SLC9A3: variants seen among roughly 807,000 people sequenced by gnomAD.
SLC9A3 encodes the protein solute carrier family 9 member A3.
In SLC9A3, 37 loss-of-function variants were observed where a neutral mutation model predicts 86.8. The observed-to-expected ratio is 0.43, with a 90% CI of 0.33 to 0.56. SLC9A3 has a LOEUF of 0.56. SLC9A3 is among the 20% of genes least tolerant of loss of function. The pLI is 0.06. For missense variants in SLC9A3, 1,011 were observed against 1,171.9 expected (o/e 0.86, Z 2.00); for synonymous variants, 581 against 528.3 (o/e 1.10, Z -1.37).
At chr5:484,821 G>A (rs2126621426) in intron 4 of SLC9A3, 124 bp from the exon 5 acceptor site, 4 of 899,768 alleles carry the variant, frequency 4.4e-6, no homozygotes, top group Non-Finnish European at 5.1e-6. Flanking sequence ...TCACTCTCTT[G>A]GAGATCGGGC....
chr5:513,497 G>A (rs1733634045), intron 1 of SLC9A3, among the ~76,000 whole-genome samples: 1 of 152,174 alleles, frequency 6.6e-6, no homozygotes, highest in African/African-American at 2.4e-5. Flanking sequence ...CGGGAGGAGA[G>A]CGCCAGGTGC....
Position 477,343 on chromosome 5 carries a change from G to A in SLC9A3, c.1749C>T (p.Val583=). Residue 583 remains valine (V), a synonymous_variant, in exon 11 of 17, where the codon GTC becomes GTT. Transcript: ENST00000264938. The part of the protein sequence containing the change: ...TPRSSTVEAS[V]SYLLRENVSA... Reference sequence around the variant, plus strand: ...CCATGGCCACATACAGGAGGTAGGAGACAGAGGCCTCCACGGTGGACGATC... The same window carrying A: ...CCATGGCCACATACAGGAGGTAGGAAACAGAGGCCTCCACGGTGGACGATC... 1.9e-6 allele frequency: 3 copies of A among 1,607,498 alleles called. No individual in the cohort carries two copies. The highest frequency in any genetic ancestry group is 2.6e-6 in the Non-Finnish European group (3 of 1,175,710).
At position 511,402 on chromosome 5, in the gene SLC9A3, C is replaced by T. The variant is rs191800545; in HGVS notation, c.211+12710G>A. 5.9e-3 allele frequency among the ~76,000 whole-genome samples: 906 copies of T among 152,322 alleles called. 5 individuals carry two copies. The highest frequency in any genetic ancestry group is 9.8e-3 in the Non-Finnish European group (667 of 68,030). On this transcript the variant is annotated intron_variant, in intron 1 of 16. Transcript: ENST00000264938. The stretch of plus-strand genomic sequence containing the variant: ...AAGACATTTGCAAAACACATATCTC[C>T]TAAAGAGTTTATCATTCAAACATAC...
Position 473,301 on chromosome 5 carries a change from T to C in SLC9A3, c.*78A>G, listed in dbSNP as rs1738502619. The stretch of plus-strand genomic sequence containing the variant: ...TAGCCGCGCGGGGATCTGGGGTTTC[T>C]CTGGGACAGCGGCGGCGGCGGTGGG... On this transcript the variant is annotated 3_prime_UTR_variant, in exon 17 of 17. Coordinates refer to ENST00000264938, the MANE Select transcript of SLC9A3 (RefSeq NM_004174.4). 2 of 1,353,566 alleles carry C rather than the reference T, an allele frequency of 1.5e-6. No individual in the cohort carries two copies. Among genetic ancestry groups the C allele is most frequent in the South Asian group, 3.5e-5 (2 of 57,926 alleles). 83.8% of individuals were successfully genotyped at this position (1,353,566 alleles called of 1,614,324 possible).
At chr5:510,831 C>T (rs2126650866) in intron 1 of SLC9A3, among the ~76,000 whole-genome samples, 1 of 152,316 alleles carries the variant, frequency 6.6e-6, no homozygotes, top group Non-Finnish European at 1.5e-5. Flanking sequence ...GGAAGATGCA[C>T]CAGCAGCACA....
chr5:506,500 C>T (rs907973486), intron 1 of SLC9A3, among the ~76,000 whole-genome samples: 4 of 152,208 alleles, frequency 2.6e-5, no homozygotes, highest in Non-Finnish European at 4.4e-5. Flanking sequence ...GGCCACCCTG[C>T]CAAGCGGGGC....
At chr5:483,148 G>A in intron 6 of SLC9A3, 114 bp downstream of exon 6, 1 of 822,540 alleles carries the variant, frequency 1.2e-6, no homozygotes. Flanking sequence ...CCTCTCCTCT[G>A]CCTTGCACGG....
chr5:507,019 C>A (rs1043001189), intron 1 of SLC9A3, among the ~76,000 whole-genome samples: 5 of 148,982 alleles, frequency 3.4e-5, no homozygotes, highest in Non-Finnish European at 7.4e-5. Flanking sequence ...TGTGGTGAGC[C>A]GAGATCGAGA....
chr5:516,716 G>A (rs972060277), intron 1 of SLC9A3, among the ~76,000 whole-genome samples: 1 of 152,240 alleles, frequency 6.6e-6, no homozygotes, highest in Non-Finnish European at 1.5e-5. Context: ...TGGGGCAGAT[G>A]GTGCTCACCA....
At chr5:522,817 A>T (rs928325061) in intron 1 of SLC9A3, among the ~76,000 whole-genome samples, 2 of 151,976 alleles carry the variant, frequency 1.3e-5, no homozygotes, top group Non-Finnish European at 2.9e-5. Context: ...AGAGGAAAGC[A>T]GGGTGAGCTT....
chr5:473,224 T>G lies in SLC9A3; in HGVS notation c.*155A>C. On this transcript the variant is annotated 3_prime_UTR_variant, in exon 17 of 17. Coordinates refer to ENST00000264938, the MANE Select transcript of SLC9A3 (RefSeq NM_004174.4). ...GGCGCAGGCGCGGCACTCTCGGAGTTCTGCGCAGGCGCTGGCGTGGGCGAG... is the reference window on the plus strand; with the variant it reads ...GGCGCAGGCGCGGCACTCTCGGAGTGCTGCGCAGGCGCTGGCGTGGGCGAG... 1.2e-6 allele frequency: 1 copy of G among 826,694 alleles called. No individual in the cohort carries two copies. Among genetic ancestry groups the G allele is most frequent in the Non-Finnish European group, 1.6e-6 (1 of 628,784 alleles). The allele number at this position is 826,694 out of a possible 1,614,324, so 51.2% of individuals were successfully genotyped here.
intron 1 of SLC9A3, among the ~76,000 whole-genome samples, chr5:500,464 G>A (rs1740211127): frequency 6.6e-6 from 1 of 151,824 alleles, no homozygotes; most frequent in Non-Finnish European, 1.5e-5. Context: ...GAGGCCAGGC[G>A]GGCCGGTGTG....
In SLC9A3 at chr5:491,124, C is replaced by T. The variant is rs887820436; in HGVS notation, c.514+645G>A. The stretch of plus-strand genomic sequence containing the variant: ...GAGGGCGGCAGGTGCCGGAGGCCTG[C>T]GCTCAGCCGTGGGGCCCAGCTGGTC... On this transcript the variant is annotated intron_variant, in intron 2 of 16. Coordinates refer to ENST00000264938, the MANE Select transcript of SLC9A3 (RefSeq NM_004174.4). The surrounding 1 kb of genome is among the most constrained non-coding windows in gnomAD (Gnocchi z 9.2). Among the ~76,000 whole-genome samples, 1 of 152,154 alleles carries T rather than the reference C, an allele frequency of 6.6e-6. No homozygotes were observed. The highest frequency in any genetic ancestry group is 1.5e-5 in the Non-Finnish European group (1 of 68,016).
chr5:472,715 C>A lies in SLC9A3; in HGVS notation c.*664G>T, dbSNP rs1579755186. The stretch of plus-strand genomic sequence containing the variant: ...AGACCTGGCGAGGGCCTGGAAACGG[C>A]GCTCGGCCCAGGCCGCTTGCGGGCG... On this transcript the variant is annotated 3_prime_UTR_variant, in exon 17 of 17. Transcript: ENST00000264938. The A allele has an allele frequency of 3.6e-5, 20 of 558,654 alleles. No homozygotes were observed. The East Asian group carries it at 7.9e-4, about 22-fold the overall frequency. The allele number at this position is 558,654 out of a possible 1,614,324, so 34.6% of individuals were successfully genotyped here. A position where few individuals can be genotyped will look rare whatever the true frequency, so the allele number is the denominator to read the frequency against.
intron 1 of SLC9A3, among the ~76,000 whole-genome samples, chr5:500,668 G>A (rs1321142515): frequency 1.2e-4 from 14 of 115,158 alleles, no homozygotes; most frequent in Non-Finnish European, 2.2e-4. Flanking sequence ...AGTATGGATG[G>A]GGCTGGTGTG....
chr5:501,502 G>A (rs2126640090), intron 1 of SLC9A3, among the ~76,000 whole-genome samples: 1 of 152,018 alleles, frequency 6.6e-6, no homozygotes, highest in South Asian at 2.1e-4. Context: ...GGGGACGAGG[G>A]GCCGGGGCAT....
Position 483,421 on chromosome 5 carries a change from C to T in SLC9A3, c.994G>A (p.Ala332Thr). The change falls in exon 6 of 17, where the codon GCC becomes ACC. Residue 332 changes from alanine to threonine, a missense_variant. Coordinates refer to ENST00000264938, the MANE Select transcript of SLC9A3 (RefSeq NM_004174.4). Reference protein sequence around the residue: ...YVKANISEQSATTVRYTMKML... With the variant: ...YVKANISEQSTTTVRYTMKML... ...TTCATGGTGTAGCGCACGGTGGTGG[C>T]CGACTGCTCCGAGATGTTGGCCTTC... 2 of 1,584,108 alleles carry T rather than the reference C, an allele frequency of 1.3e-6. No individual in the cohort carries two copies. Among genetic ancestry groups the T allele is most frequent in the Non-Finnish European group, 1.7e-6 (2 of 1,165,540 alleles).
At chr5:519,854 G>A (rs548112940) in intron 1 of SLC9A3, among the ~76,000 whole-genome samples, 24 of 152,286 alleles carry the variant, frequency 1.6e-4, no homozygotes, top group African/African-American at 5.8e-4. Flanking sequence ...GCGCCGCTCA[G>A]AGCAGGGGGC....
intron 1 of SLC9A3, among the ~76,000 whole-genome samples, chr5:505,158 T>C (rs1426066779): frequency 8.7e-6 from 1 of 115,330 alleles, no homozygotes; most frequent in African/African-American, 3.5e-5. Context: ...TCAGAGGCTC[T>C]TAAGGGAGGG....
Sources: gnomAD v4.1 joint callset for allele counts (sites outside exome capture counted in the v4.1 genomes callset) on GRCh38, gnomAD v4.1.1 for gene constraint, Gnocchi (gnomAD v3.1) non-coding constraint, MANE v1.5 for transcripts, NCBI Gene and HGNC (gene_info 2026-07-23, HGNC 2026-07-21) for gene names.